Variants in NUDC observed in about 807,000 individuals in gnomAD.
NUDC encodes nuclear migration protein nudC.
Under a neutral mutation model 45.0 loss-of-function variants are expected in NUDC, and 14 were observed. The observed-to-expected ratio is 0.31, with a 90% CI of 0.21 to 0.49. The LOEUF is 0.49. NUDC is among the 20% of genes least tolerant of loss of function. The pLI is 0.99. For missense variants in NUDC, 323 were observed against 426.2 expected (o/e 0.76, Z 2.13); for synonymous variants, 153 against 156.7 (o/e 0.98, Z 0.17).
At chr1:26,901,397 CTTTT>C (rs34988488) in intron 1 of NUDC, among the ~76,000 whole-genome samples, 6 of 73,618 alleles carry the variant, frequency 8.2e-5, no homozygotes, top group Admixed American at 1.7e-4. Context: ...GCCTTTTTGT[CTTTT>C]TTTTTTTTTT....
chr1:26,900,163 A>G, upstream of NUDC: 4 of 1,614,078 alleles, frequency 2.5e-6, no homozygotes, highest in Non-Finnish European at 3.4e-6. Context: ...ATTGGAGTAG[A>G]GTCTCGAGTG....
chr1:26,905,157 A>ATTTT (rs71007901), intron 2 of NUDC, among the ~76,000 whole-genome samples: 20 of 84,290 alleles, frequency 2.4e-4, no homozygotes, highest in Non-Finnish European at 3.4e-4. Flanking sequence ...TATTATTATT[A>ATTTT]TTTTTTTTTT....
In NUDC at chr1:26,914,977, ATATGTATATG is replaced by A. The variant is rs1259308989; in HGVS notation, c.93+3746_93+3755del. 3.5e-4 allele frequency among the ~76,000 whole-genome samples: 4 copies of A among 11,276 alleles called. No homozygotes were observed. The South Asian group carries it at 0.1, about 282-fold the overall frequency. The allele number at this position is 11,276 out of a possible 152,430, so 7.4% of individuals were successfully genotyped here. ...GCAAGATCCTGTCTCAAAAAAATAT[ATATGTATATG>A]TATATGTATATGTATATGTATATGT... On this transcript the variant is annotated intron_variant, in intron 3 of 6. Transcript: ENST00000435827.
At chr1:26,925,443 G>A (rs1411637644) in intron 2 of NUDC, among the ~76,000 whole-genome samples, 7 of 148,932 alleles carry the variant, frequency 4.7e-5, no homozygotes, top group Middle Eastern at 3.4e-3. Flanking sequence ...TGGAGGCTGA[G>A]GCAGGAGAAT....
At chr1:26,907,919 C>T (rs2082009400) in intron 2 of NUDC, among the ~76,000 whole-genome samples, 1 of 152,232 alleles carries the variant, frequency 6.6e-6, no homozygotes, top group African/African-American at 2.4e-5. Flanking sequence ...TGGCTCATGC[C>T]TGTAATCCCA....
intron 3 of NUDC, chr1:26,911,644 TC>T: frequency 1.6e-6 from 1 of 633,930 alleles, no homozygotes; most frequent in Non-Finnish European, 2.8e-6. Flanking sequence ...ACCAAAAGCC[TC>T]CCAGGCAGCT....
At chr1:26,927,749 C>T (rs891838367) in intron 2 of NUDC, among the ~76,000 whole-genome samples, 16 of 151,778 alleles carry the variant, frequency 1.1e-4, no homozygotes, top group Non-Finnish European at 2.2e-4. Context: ...AAGGATGTTA[C>T]GAGGATTTAA....
chr1:26,915,069 ATATATATG>A (rs1161384327), intron 3 of NUDC, among the ~76,000 whole-genome samples: 11 of 148,574 alleles, frequency 7.4e-5, no homozygotes, highest in African/African-American at 2.5e-4. Flanking sequence ...ATATATATAT[ATATATATG>A]TATATATATG....
intron 8 of NUDC, 76 bp downstream of exon 8, chr1:26,945,762 T>G: frequency 9.8e-7 from 1 of 1,024,400 alleles, no homozygotes. Context: ...AGTGAGTGGA[T>G]CACTGCGCTG....
At chr1:26,909,550 T>C (rs1013742253) in intron 2 of NUDC, among the ~76,000 whole-genome samples, 6 of 151,986 alleles carry the variant, frequency 3.9e-5, no homozygotes, top group Admixed American at 2.0e-4. Flanking sequence ...AGGAGAAGGG[T>C]AAGAGGTGGG....
chr1:26,927,223 C>T (rs1232284475), intron 2 of NUDC, among the ~76,000 whole-genome samples: 1 of 118,284 alleles, frequency 8.5e-6, no homozygotes, highest in African/African-American at 3.7e-5. Context: ...TCTGTTGTCC[C>T]AGCTGGAGCA....
At chr1:26,941,033 C>A (rs1376879667) in intron 2 of NUDC, among the ~76,000 whole-genome samples, 2 of 151,388 alleles carry the variant, frequency 1.3e-5, no homozygotes, top group African/African-American at 4.9e-5. Context: ...GCGATTCTCC[C>A]ACCTCAGCTT....
intron 1 of NUDC, among the ~76,000 whole-genome samples, chr1:26,900,721 G>A (rs994141299): frequency 6.6e-6 from 1 of 152,116 alleles, no homozygotes; most frequent in Non-Finnish European, 1.5e-5. Context: ...TCATTTTTGA[G>A]GTATTTAGTT....
chr1:26,915,997 C>T (rs1262322818), intron 3 of NUDC, among the ~76,000 whole-genome samples: 1 of 152,122 alleles, frequency 6.6e-6, no homozygotes, highest in East Asian at 1.9e-4. Context: ...TTCTGTGCCT[C>T]AGTTTCCTCA....
rs764798780 is a variant in NUDC, at chr1:26,945,478, G to A, written c.825+5G>A. On this transcript the variant is annotated splice_donor_5th_base_variant and intron_variant, in intron 7 of 8. Transcript: ENST00000321265. ...ATTAACCCTGAGAATTCCAAGGTGA[G>A]CCCTGGCTGGTTGGGGGAGCTTCAG... 2 of 1,613,994 alleles carry A rather than the reference G, an allele frequency of 1.2e-6. No individual in the cohort carries two copies. The highest frequency in any genetic ancestry group is 1.7e-6 in the Non-Finnish European group (2 of 1,179,846).
chr1:26,904,874 C>CA (rs1198046975), intron 2 of NUDC, among the ~76,000 whole-genome samples: 1 of 147,902 alleles, frequency 6.8e-6, no homozygotes, highest in Non-Finnish European at 1.5e-5. Flanking sequence ...TTTTCTGAGA[C>CA]AGAGTCTTGC....
At chr1:26,924,230 C>A in intron 2 of NUDC, 64 bp downstream of exon 2, 5 of 1,403,330 alleles carry the variant, frequency 3.6e-6, no homozygotes, top group Non-Finnish European at 5.1e-6. Flanking sequence ...GCTCACCTGG[C>A]CTTTCTTTGG....
chr1:26,918,172 CTTTTT>C (rs770055094), upstream of NUDC, among the ~76,000 whole-genome samples: 1 of 130,434 alleles, frequency 7.7e-6, no homozygotes. Flanking sequence ...CTTGATTTAT[CTTTTT>C]TTTTTTTTTT....
At chr1:26,941,857 T>C in intron 4 of NUDC, 39 bp downstream of exon 4, 1 of 1,598,460 alleles carries the variant, frequency 6.3e-7, no homozygotes, top group South Asian at 1.1e-5. Flanking sequence ...AGCCAGGAGC[T>C]TGGAACTTAC....
Sources: allele counts gnomAD v4.1 joint callset (sites outside exome capture counted in the v4.1 genomes callset), GRCh38; gene constraint gnomAD v4.1.1; transcripts MANE v1.5; gene names NCBI Gene and HGNC (gene_info 2026-07-23, HGNC 2026-07-21).